The following PTPN18 variants were observed in gnomAD, a reference collection of about 807,000 sequenced individuals.
The protein encoded by PTPN18 is tyrosine-protein phosphatase non-receptor type 18.
In PTPN18, 65 loss-of-function variants were observed where a neutral mutation model predicts 65.4. The observed-to-expected ratio is 0.99, with a 90% CI of 0.81 to 1.22. The LOEUF (loss-of-function observed/expected upper bound fraction) is 1.22. Among genes scored for constraint, PTPN18 ranks in the 50% most tolerant of loss-of-function variants. The probability of loss-of-function intolerance (pLI) is 0.00; values close to 1 mark genes in which losing one functional copy is unlikely to be tolerated. For missense variants in PTPN18, 616 were observed against 646.5 expected, an observed-to-expected ratio of 0.95 and a Z score of 0.51; for synonymous variants, 255 against 267.8, an observed-to-expected ratio of 0.95 and a Z score of 0.47.
chr2:130,370,541 C>CT lies in PTPN18; in HGVS notation c.690-15dup, dbSNP rs757179053. ...TGGTCAGGACCTGACCAGGCACACT[C>CT]TGATTCTCTTGTCAGTGCGGGTTGT... On this transcript the variant is annotated splice_polypyrimidine_tract_variant and intron_variant, in intron 8 of 14. Coordinates refer to ENST00000175756, the MANE Select transcript of PTPN18 (RefSeq NM_014369.4). 63 of 1,614,060 alleles carry CT rather than the reference C, an allele frequency of 3.9e-5. No homozygotes were observed. In the African/African-American group the frequency reaches 6.9e-4, roughly 18 times the overall value.
chr2:130,369,354 C>G (rs534322892), intron 6 of PTPN18, among the ~76,000 whole-genome samples, 153 bp downstream of exon 6: 25 of 152,180 alleles, frequency 1.6e-4, no homozygotes, highest in East Asian at 1.3e-3. Context: ...ATAGGGATAG[C>G]CTTTGCATTT....
intron 13 of PTPN18, 109 bp from the exon 14 acceptor site, chr2:130,372,764 C>A: frequency 7.4e-7 from 1 of 1,344,726 alleles, no homozygotes; most frequent in African/African-American, 1.5e-5. Flanking sequence ...CCGCCCGGCG[C>A]CCTCGGCTCT....
intron 1 of PTPN18, chr2:130,356,687 G>GCCCGAATCCGCTTCCCGTC: frequency 2.2e-6 from 1 of 456,500 alleles, no homozygotes; most frequent in South Asian, 1.6e-5. Context: ...CCGCGTCCGG[G>GCCCGAATCCGCTTCCCGTC]CCCGAATCCG....
At chr2:130,362,131 A>T (rs558139976) in intron 5 of PTPN18, 25 of 470,284 alleles carry the variant, frequency 5.3e-5, no homozygotes, top group African/African-American at 4.8e-4. Context: ...ACCGTGCCTG[A>T]TTAATTGTTT....
At chr2:130,363,233 G>A (rs1481953682) in intron 5 of PTPN18, among the ~76,000 whole-genome samples, 2 of 151,702 alleles carry the variant, frequency 1.3e-5, no homozygotes, top group African/African-American at 4.8e-5. Flanking sequence ...TGGATCACGA[G>A]GTCAGGAGAT....
chr2:130,362,861 C>T (rs534352510), intron 5 of PTPN18, among the ~76,000 whole-genome samples: 1 of 152,182 alleles, frequency 6.6e-6, no homozygotes, highest in East Asian at 1.9e-4. Context: ...GCTCTGTCCT[C>T]CAGGCTGGAG....
rs764635464 is a variant in PTPN18, at chr2:130,369,204, G to A, written c.483+3G>A. On this transcript the variant is annotated splice_donor_region_variant and intron_variant, in intron 6 of 14. Coordinates refer to ENST00000175756, the MANE Select transcript of PTPN18 (RefSeq NM_014369.4). The stretch of plus-strand genomic sequence containing the variant: ...CTGGGCTTTTCTGCATCACTCTGGT[G>A]AGCTGTGGGAGTTTTCAAGGAAGAT... 2 of 1,611,550 alleles carry A rather than the reference G, an allele frequency of 1.2e-6. No individual in the cohort carries two copies. The highest frequency in any genetic ancestry group is 1.7e-6 in the Non-Finnish European group (2 of 1,177,928).
intron 5 of PTPN18, among the ~76,000 whole-genome samples, chr2:130,367,834 A>G (rs1680435280): frequency 6.6e-6 from 1 of 151,940 alleles, no homozygotes; most frequent in Non-Finnish European, 1.5e-5. Context: ...ATTTTCACCT[A>G]TTATTTCTTT....
At chr2:130,370,659 C>T in intron 9 of PTPN18, 36 bp downstream of exon 9, 7 of 1,614,052 alleles carry the variant, frequency 4.3e-6, no homozygotes, top group African/African-American at 1.3e-5. Flanking sequence ...CAGTGTGCTG[C>T]CCATGACCAC....
chr2:130,370,273 T>C, intron 8 of PTPN18, 83 bp downstream of exon 8: 1 of 1,570,256 alleles, frequency 6.4e-7, no homozygotes. Context: ...GGGCTAGTCT[T>C]GTAGTCTGAG....
At chr2:130,372,555 G>A (rs1680608212) in intron 13 of PTPN18, 72 bp downstream of exon 13, 4 of 1,401,870 alleles carry the variant, frequency 2.9e-6, no homozygotes, top group Non-Finnish European at 3.7e-6. Flanking sequence ...TCCTGCAGTG[G>A]TCCGTCAGGC....
chr2:130,359,332 G>A (rs778498045), intron 3 of PTPN18, 23 bp downstream of exon 3: 1 of 1,614,156 alleles, frequency 6.2e-7, no homozygotes, highest in East Asian at 2.2e-5. Context: ...GTCACGGAAG[G>A]AGGTGGACTG....
At position 130,370,627 on chromosome 2, in the gene PTPN18, C is replaced by G; in HGVS notation, c.756+4C>G. ...GAGGCAGCTGCTCCTGACCCAGGTA[C>G]GATACAGGCATCCTGTGTGTGCAGT... On this transcript the variant is annotated splice_donor_region_variant and intron_variant, in intron 9 of 14. Coordinates refer to ENST00000175756, the MANE Select transcript of PTPN18 (RefSeq NM_014369.4). 2 of 1,614,174 alleles carry G rather than the reference C, an allele frequency of 1.2e-6. No homozygotes were observed. The highest frequency in any genetic ancestry group is 1.7e-6 in the Non-Finnish European group (2 of 1,180,026).
In PTPN18 at chr2:130,372,922, G is replaced by T. The variant is rs774709547; in HGVS notation, c.1290G>T (p.Ala430=). 6.2e-7 allele frequency: 1 copy of T among 1,614,190 alleles called. No individual in the cohort carries two copies. ...GATCTGGCGCCTACGAGGACGTGGC[G>T]GGTGGAGCTCAGACCGGTGGGCTAG... ...PAGSGAYEDV[A]GGAQTGGLGF... The change falls in exon 14 of 15, where the codon GCG becomes GCT. Residue 430 remains alanine, a synonymous_variant. Transcript: ENST00000175756.
In PTPN18 at chr2:130,359,402, G is replaced by A; in HGVS notation, c.285G>A (p.Val95=). The change falls in exon 4 of 15, where the codon GTG becomes GTA. Residue 95 remains valine, a synonymous_variant. Coordinates refer to ENST00000175756, the MANE Select transcript of PTPN18 (RefSeq NM_014369.4). ...DYINGNFIRG[V]DGSLAYIATQ... ...GTGAATTCGGCCTTCACCAGGGCGT[G>A]GATGGAAGCCTGGCCTACATTGCCA... 6.2e-7 allele frequency: 1 copy of A among 1,614,164 alleles called. No homozygotes were observed. The highest frequency in any genetic ancestry group is 8.5e-7 in the Non-Finnish European group (1 of 1,180,014).
At position 130,370,205 on chromosome 2, in the gene PTPN18, C is replaced by T. The variant is rs1043679; in HGVS notation, c.689+15C>T. The T allele has an allele frequency of 1.9e-6, 3 of 1,608,126 alleles. No homozygotes were observed. Among genetic ancestry groups the T allele is most frequent in the Non-Finnish European group, 1.7e-6 (2 of 1,179,952 alleles). On this transcript the variant is annotated intron_variant, in intron 8 of 14. Transcript: ENST00000175756. ...GTCCACTGCAGGTTTTGGAAATGGG[C>T]TTCAGGAGGGTCTGGTGAGGCAGAG...
intron 5 of PTPN18, 68 bp downstream of exon 5, chr2:130,359,714 T>A (rs1680135683): frequency 1.3e-6 from 2 of 1,559,182 alleles, no homozygotes; most frequent in African/African-American, 2.7e-5. Context: ...TGCTAGCTCC[T>A]CCTTGACCCC....
intron 2 of PTPN18, 30 bp from the exon 3 acceptor site, chr2:130,359,203 C>T: frequency 6.2e-7 from 1 of 1,612,828 alleles, no homozygotes; most frequent in Non-Finnish European, 8.5e-7. Flanking sequence ...CCTACCCAAA[C>T]TCCACGTTTC....
intron 5 of PTPN18, among the ~76,000 whole-genome samples, chr2:130,368,404 G>T (rs111845120): frequency 6.6e-6 from 1 of 152,138 alleles, no homozygotes; most frequent in African/African-American, 2.4e-5. Flanking sequence ...TAATTTAGCC[G>T]TACTTCTAAT....
Sources: allele counts gnomAD v4.1 joint callset (sites outside exome capture counted in the v4.1 genomes callset), GRCh38; gene constraint gnomAD v4.1.1; transcripts MANE v1.5; gene names NCBI Gene and HGNC (gene_info 2026-07-23, HGNC 2026-07-21).